CSGALNACT1: variants seen among roughly 807,000 people sequenced by gnomAD.
The protein encoded by CSGALNACT1 is chondroitin sulfate N-acetylgalactosaminyltransferase 1.
Under a neutral mutation model 51.0 loss-of-function variants are expected in CSGALNACT1, and 52 were observed. That is an observed-to-expected ratio of 1.02 (90% confidence interval 0.82 to 1.29). The LOEUF (loss-of-function observed/expected upper bound fraction) is 1.29, where lower values mean the gene tolerates loss of function less well. Ranked by LOEUF, CSGALNACT1 falls within the 50% of genes most tolerant of loss-of-function variation. CSGALNACT1 has a pLI of 0.00. For synonymous variants in CSGALNACT1, 341 were observed against 254.4 expected, an observed-to-expected ratio of 1.34 and a Z score of -3.24; for missense variants, 935 against 679.2, an observed-to-expected ratio of 1.38 and a Z score of -4.19.
chr8:19,616,648 G>A (rs559486731), intron 1 of CSGALNACT1, among the ~76,000 whole-genome samples: 19 of 152,166 alleles, frequency 1.2e-4, no homozygotes, highest in African/African-American at 4.3e-4. Flanking sequence ...TGCAAGATCT[G>A]GTTGTTTAAA....
chr8:19,507,528 GAAA>G (rs35759799), intron 3 of CSGALNACT1, among the ~76,000 whole-genome samples: 15,876 of 74,038 alleles, frequency 0.21, 559 homozygotes, highest in South Asian at 0.34. Context: ...ATCTTAGCCA[GAAA>G]AAAAAAAAAA....
intron 3 of CSGALNACT1, among the ~76,000 whole-genome samples, chr8:19,529,907 A>G (rs2082406686): frequency 6.6e-6 from 1 of 152,178 alleles, no homozygotes; most frequent in Admixed American, 6.5e-5. Context: ...TTTTACAATT[A>G]TTTCTCATAT....
upstream of CSGALNACT1, among the ~76,000 whole-genome samples, chr8:19,603,508 G>A (rs1339126530): frequency 6.6e-6 from 1 of 152,158 alleles, no homozygotes; most frequent in Non-Finnish European, 1.5e-5. Context: ...ACACCAAATT[G>A]CAGTTGGCAG....
At chr8:19,564,243 T>C (rs1421264087) in intron 3 of CSGALNACT1, among the ~76,000 whole-genome samples, 1 of 152,220 alleles carries the variant, frequency 6.6e-6, no homozygotes, top group Non-Finnish European at 1.5e-5. Flanking sequence ...CTACGTTTTC[T>C]ACTTTTTCAA....
rs183951153 is a variant in CSGALNACT1, at chr8:19,453,356, G to A, written c.851+5070C>T. 1.9e-4 allele frequency among the ~76,000 whole-genome samples: 29 copies of A among 152,256 alleles called. No individual in the cohort carries two copies. The East Asian group carries it at 4.2e-3, about 22-fold the overall frequency. On this transcript the variant is annotated intron_variant, in intron 5 of 9. Coordinates refer to ENST00000454498, the Ensembl canonical transcript of CSGALNACT1. The stretch of plus-strand genomic sequence containing the variant: ...CACAGAAGTAATGCATTAGAAATAG[G>A]AAGGTACAGAATAGATATGTCAGAA...
intron 1 of CSGALNACT1, among the ~76,000 whole-genome samples, chr8:19,621,272 A>AG (rs1369236866): frequency 6.6e-6 from 1 of 152,168 alleles, no homozygotes; most frequent in Non-Finnish European, 1.5e-5. Context: ...CAGATTGATG[A>AG]GGGGAAAAAA....
At position 19,407,918 on chromosome 8, in the gene CSGALNACT1, T is replaced by TATATGAATTGTGTGC. The variant is rs1585309354; in HGVS notation, c.1309+694_1309+695insGCACACAATTCATAT. Among the ~76,000 whole-genome samples, 198 of 61,928 alleles carry TATATGAATTGTGTGC rather than the reference T, an allele frequency of 3.2e-3. No individual in the cohort carries two copies. In the East Asian group the frequency reaches 0.035, roughly 11 times the overall value. 40.6% of individuals were successfully genotyped at this position (61,928 alleles called of 152,430 possible). A position where few individuals can be genotyped will look rare whatever the true frequency, so the allele number is the denominator to read the frequency against. ...TGTGTATATGAATTGTGTGTGTGTG[T>TATATGAATTGTGTGC]GTGTGTGTGTGTGTGTGTGTGTGTG... On this transcript the variant is annotated intron_variant, in intron 9 of 9. Coordinates refer to ENST00000454498, the Ensembl canonical transcript of CSGALNACT1.
chr8:19,554,977 T>C (rs979176417), intron 3 of CSGALNACT1, among the ~76,000 whole-genome samples: 2 of 150,844 alleles, frequency 1.3e-5, no homozygotes, highest in African/African-American at 4.9e-5. Flanking sequence ...TGGTGGCTCA[T>C]GCCTGTAATC....
intron 3 of CSGALNACT1, among the ~76,000 whole-genome samples, chr8:19,520,306 G>C (rs1395443165): frequency 2.0e-5 from 3 of 152,190 alleles, no homozygotes; most frequent in Non-Finnish European, 4.4e-5. Flanking sequence ...AAAATGTAGG[G>C]AAAAATAACA....
At chr8:19,453,545 G>A (rs1173045501) in intron 5 of CSGALNACT1, among the ~76,000 whole-genome samples, 1 of 152,102 alleles carries the variant, frequency 6.6e-6, no homozygotes, top group South Asian at 2.1e-4. Context: ...CAAAAATAAA[G>A]CATCCAAAAA....
At position 19,408,603 on chromosome 8, in the gene CSGALNACT1, T is replaced by C; in HGVS notation, c.1309+10A>G. 1 of 1,611,716 alleles carries C rather than the reference T, an allele frequency of 6.2e-7. No homozygotes were observed. Among genetic ancestry groups the C allele is most frequent in the Non-Finnish European group, 8.5e-7 (1 of 1,179,182 alleles). ...CTCTGGGTGGCAGTAGAGATGCAGA[T>C]TTGTCCTACCTATATTGATGAAGTC... On this transcript the variant is annotated intron_variant, in intron 9 of 9. Transcript: ENST00000454498.
intron 1 of CSGALNACT1, among the ~76,000 whole-genome samples, chr8:19,701,274 G>A (rs2061864491): frequency 6.8e-6 from 1 of 147,894 alleles, no homozygotes; most frequent in Non-Finnish European, 1.5e-5. Context: ...TCGTGCCTCA[G>A]CCTCCTGGCT....
chr8:19,494,984 A>G (rs1342956962), intron 4 of CSGALNACT1: 1 of 152,186 alleles, frequency 6.6e-6, no homozygotes, highest in Non-Finnish European at 1.5e-5. Flanking sequence ...CTCAGCTCCT[A>G]TATGAGATGT....
intron 5 of CSGALNACT1, among the ~76,000 whole-genome samples, chr8:19,443,581 C>T (rs965576307): frequency 6.6e-6 from 1 of 152,116 alleles, no homozygotes; most frequent in Non-Finnish European, 1.5e-5. Context: ...CAGGGGGATT[C>T]CCATTTATAA....
chr8:19,481,280 C>A (rs778388231), intron 4 of CSGALNACT1, among the ~76,000 whole-genome samples: 2 of 152,114 alleles, frequency 1.3e-5, no homozygotes, highest in African/African-American at 4.8e-5. Context: ...ATAGTCTGCC[C>A]CATACTCCTG....
intron 1 of CSGALNACT1, among the ~76,000 whole-genome samples, chr8:19,643,289 A>G (rs1417464095): frequency 6.6e-6 from 1 of 152,208 alleles, no homozygotes; most frequent in Non-Finnish European, 1.5e-5. Context: ...TTCCTAATCT[A>G]TAAAGATGTT....
At chr8:19,564,242 C>G (rs1464905590) in intron 3 of CSGALNACT1, among the ~76,000 whole-genome samples, 1 of 152,170 alleles carries the variant, frequency 6.6e-6, no homozygotes, top group African/African-American at 2.4e-5. Flanking sequence ...TCTACGTTTT[C>G]TACTTTTTCA....
chr8:19,700,422 C>A (rs975595512), intron 1 of CSGALNACT1, among the ~76,000 whole-genome samples: 2 of 152,098 alleles, frequency 1.3e-5, no homozygotes, highest in African/African-American at 4.8e-5. Context: ...AGGCTAATAG[C>A]CTTCCTTTTA....
At chr8:19,708,026 T>C (rs752053074) in intron 1 of CSGALNACT1, among the ~76,000 whole-genome samples, 5 of 151,864 alleles carry the variant, frequency 3.3e-5, no homozygotes, top group Non-Finnish European at 7.4e-5. Flanking sequence ...AAAACTATAT[T>C]AGATATAAAC....
Sources: allele counts gnomAD v4.1 joint callset (sites outside exome capture counted in the v4.1 genomes callset), GRCh38; gene constraint gnomAD v4.1.1; transcripts MANE v1.5; gene names NCBI Gene and HGNC (gene_info 2026-07-23, HGNC 2026-07-21).